RBFOX1: variants seen among roughly 807,000 people sequenced by gnomAD.
RBFOX1 encodes RNA binding fox-1 homolog 1.
Under a neutral mutation model 57.7 loss-of-function variants are expected in RBFOX1, and 8 were observed. That is an observed-to-expected ratio of 0.14 (90% CI 0.08 to 0.25). The LOEUF is 0.25. Ranked by LOEUF, RBFOX1 falls within the 10% of genes least tolerant of loss-of-function variation. RBFOX1 has a pLI of 1.00. For missense variants in RBFOX1, 611 were observed against 548.5 expected, an observed-to-expected ratio of 1.11 and a Z score of -1.14; for synonymous variants, 326 against 222.4, an observed-to-expected ratio of 1.47 and a Z score of -4.15.
intron 3 of RBFOX1, among the ~76,000 whole-genome samples, chr16:6,656,902 A>ATCCTCTCCTCTCCTCCC (rs1233741745): frequency 1.3e-4 from 6 of 44,666 alleles, no homozygotes; most frequent in African/African-American, 2.0e-4. Flanking sequence ...CCTCCCCTCA[A>ATCCTCTCCTCTCCTCCC]CTCTCCTCTC....
intron 4 of RBFOX1, among the ~76,000 whole-genome samples, chr16:7,231,879 G>A (rs1378003640): frequency 6.6e-6 from 1 of 152,168 alleles, no homozygotes; most frequent in Non-Finnish European, 1.5e-5. Flanking sequence ...AAGCAGATTG[G>A]TGGTTGCTAC....
chr16:5,373,207 TG>T (rs2065903063), intron 1 of RBFOX1, among the ~76,000 whole-genome samples: 1 of 152,172 alleles, frequency 6.6e-6, no homozygotes, highest in Non-Finnish European at 1.5e-5. Flanking sequence ...TTTGTTTTTA[TG>T]GCTTCTAGGT....
intron 4 of RBFOX1, among the ~76,000 whole-genome samples, chr16:7,506,616 C>T (rs1022675290): frequency 6.6e-6 from 1 of 152,046 alleles, no homozygotes; most frequent in Non-Finnish European, 1.5e-5. Flanking sequence ...ACCACCACCA[C>T]CATCTTTGCT....
At chr16:5,692,165 C>CTGTGTG (rs199585814) in intron 3 of RBFOX1, among the ~76,000 whole-genome samples, 17 of 22,938 alleles carry the variant, frequency 7.4e-4, no homozygotes, top group Non-Finnish European at 4.6e-3. Flanking sequence ...TAGGGACTGA[C>CTGTGTG]TGTGTGTGTG....
chr16:5,285,617 C>T (rs1371287196), intron 1 of RBFOX1, among the ~76,000 whole-genome samples: 2 of 152,170 alleles, frequency 1.3e-5, no homozygotes, highest in Non-Finnish European at 2.9e-5. Flanking sequence ...GGGGAAAGAC[C>T]TTTTCTTATA....
chr16:5,640,156 G>T (rs1414711248), intron 3 of RBFOX1, among the ~76,000 whole-genome samples: 1 of 152,158 alleles, frequency 6.6e-6, no homozygotes, highest in East Asian at 1.9e-4. Flanking sequence ...TGTGACTGGG[G>T]CCCCTTCCTC....
intron 4 of RBFOX1, among the ~76,000 whole-genome samples, chr16:7,236,457 C>G (rs1219202069): frequency 1.3e-5 from 2 of 152,140 alleles, no homozygotes; most frequent in Admixed American, 6.5e-5. Flanking sequence ...GTCATGCAAT[C>G]TGGCAGAATC....
chr16:7,087,470 C>T (rs896381444), intron 4 of RBFOX1, among the ~76,000 whole-genome samples: 2 of 150,908 alleles, frequency 1.3e-5, no homozygotes, highest in South Asian at 2.1e-4. Flanking sequence ...TGGATTTGCT[C>T]ATTAAACAGC....
chr16:6,001,110 C>T (rs545098525), intron 4 of RBFOX1, among the ~76,000 whole-genome samples: 2 of 152,172 alleles, frequency 1.3e-5, no homozygotes, highest in Admixed American at 6.5e-5. Context: ...AATATCTTAG[C>T]CTCTGCCCAC....
At chr16:6,194,776 C>G (rs765169059) in intron 1 of RBFOX1, among the ~76,000 whole-genome samples, 1 of 152,154 alleles carries the variant, frequency 6.6e-6, no homozygotes, top group Non-Finnish European at 1.5e-5. Flanking sequence ...GTTTATCTGT[C>G]CATTTTCAAC....
At chr16:7,069,019 T>A (rs2056767442) in intron 4 of RBFOX1, among the ~76,000 whole-genome samples, 1 of 152,218 alleles carries the variant, frequency 6.6e-6, no homozygotes. Flanking sequence ...AAGTGCTAAG[T>A]AAAACACATG....
intron 4 of RBFOX1, among the ~76,000 whole-genome samples, chr16:5,966,604 C>G (rs944595156): frequency 2.6e-5 from 4 of 152,176 alleles, no homozygotes; most frequent in African/African-American, 9.7e-5. Context: ...ACAGCACCTT[C>G]CACCACAGCC....
chr16:6,560,199 A>G (rs998715771), intron 2 of RBFOX1, among the ~76,000 whole-genome samples: 1 of 149,162 alleles, frequency 6.7e-6, no homozygotes, highest in Admixed American at 6.7e-5. Context: ...AAAAAAGTCA[A>G]GCCCTCATGA....
At chr16:7,021,513 AT>A (rs1253678634) in intron 3 of RBFOX1, among the ~76,000 whole-genome samples, 1 of 145,472 alleles carries the variant, frequency 6.9e-6, no homozygotes, top group African/African-American at 2.5e-5. Flanking sequence ...TAAATATTAT[AT>A]TTTATAAAAT....
At chr16:6,278,366 G>A (rs1393523019) in intron 1 of RBFOX1, among the ~76,000 whole-genome samples, 4 of 79,456 alleles carry the variant, frequency 5.0e-5, no homozygotes, top group Admixed American at 4.3e-4. Flanking sequence ...GGGGGAAATT[G>A]TAGGACTCAC....
chr16:7,440,683 C>G (rs924698470), intron 4 of RBFOX1, among the ~76,000 whole-genome samples: 9 of 152,144 alleles, frequency 5.9e-5, no homozygotes, highest in African/African-American at 2.2e-4. Flanking sequence ...ATGAGTAACA[C>G]AGTACTGATA....
chr16:6,228,478 C>G (rs1198939386), intron 1 of RBFOX1, among the ~76,000 whole-genome samples: 1 of 151,896 alleles, frequency 6.6e-6, no homozygotes, highest in African/African-American at 2.4e-5. Context: ...TACAATTCAG[C>G]CTTCAAAAAA....
intron 5 of RBFOX1, among the ~76,000 whole-genome samples, chr16:7,520,353 C>A (rs1318627816): frequency 6.6e-6 from 1 of 152,068 alleles, no homozygotes; most frequent in Non-Finnish European, 1.5e-5. Context: ...GCAAAACCAC[C>A]ACCATTATCT....
chr16:6,395,450 C>T (rs1431790738), intron 2 of RBFOX1, among the ~76,000 whole-genome samples: 2 of 152,104 alleles, frequency 1.3e-5, no homozygotes, highest in Admixed American at 1.3e-4. Flanking sequence ...GGCTCTGTAA[C>T]TTTCTACCTT....
Sources: gnomAD v4.1 joint callset for allele counts (sites outside exome capture counted in the v4.1 genomes callset) on GRCh38, gnomAD v4.1.1 for gene constraint, MANE v1.5 for transcripts, NCBI Gene and HGNC (gene_info 2026-07-23, HGNC 2026-07-21) for gene names.